Variants in BMPR1B observed in about 807,000 individuals in gnomAD.
BMPR1B encodes bone morphogenetic protein receptor type 1B.
Under a neutral mutation model 59.1 loss-of-function variants are expected in BMPR1B, and 12 were observed. The ratio of observed to expected loss-of-function variants is 0.20; its 90% CI spans 0.13 to 0.33. The LOEUF is 0.33. BMPR1B is among the 10% of genes least tolerant of loss of function. The pLI is 1.00. For missense variants in BMPR1B, 550 were observed against 610.9 expected, an observed-to-expected ratio of 0.90 and a Z score of 1.05; for synonymous variants, 237 against 207.3, an observed-to-expected ratio of 1.14 and a Z score of -1.23.
In BMPR1B at chr4:95,134,286, G is replaced by T. The variant is rs183091612; in HGVS notation, c.1076+2774G>T. On this transcript the variant is annotated intron_variant, in intron 10 of 12. Coordinates refer to ENST00000515059, the MANE Select transcript of BMPR1B (RefSeq NM_001203.3). ...CCAGTCTATCATCGATGTACATTTG[G>T]GTTGGTTCCCAGTCTTTGCTATTGT... Among the ~76,000 whole-genome samples, 392 of 152,216 alleles carry T rather than the reference G, an allele frequency of 2.6e-3. 1 individual carries two copies. Among genetic ancestry groups the T allele is most frequent in the African/African-American group, 8.8e-3 (366 of 41,528 alleles).
At chr4:94,985,509 CTGTGTGTGTGTGTGTGTGTGTGTGTGTG>C (rs60003954) in intron 2 of BMPR1B, among the ~76,000 whole-genome samples, 2 of 138,792 alleles carry the variant, frequency 1.4e-5, no homozygotes, top group Non-Finnish European at 1.6e-5. Flanking sequence ...AAAATAAGAG[CTGTGTGTGTGTGTGTGTGTGTGTGTGTG>C]TGTGTGTGTG....
At chr4:94,987,049 T>G (rs375109445) in intron 2 of BMPR1B, among the ~76,000 whole-genome samples, 1 of 1,492 alleles carries the variant, frequency 6.7e-4, no homozygotes, top group Admixed American at 0.016. Context: ...TCAAAAAAAA[T>G]ATATATATAT....
At chr4:94,787,263 A>G (rs1449528260) in intron 1 of BMPR1B, among the ~76,000 whole-genome samples, 1 of 152,144 alleles carries the variant, frequency 6.6e-6, no homozygotes. Context: ...CAGTATCACC[A>G]TGTGAATGTT....
chr4:94,812,358 A>C (rs916434790), intron 1 of BMPR1B, among the ~76,000 whole-genome samples: 8 of 152,248 alleles, frequency 5.3e-5, no homozygotes, highest in Non-Finnish European at 8.8e-5. Flanking sequence ...GGGTTAGAGT[A>C]TTCAAGACAA....
chr4:95,028,757 T>C (rs1386070743), intron 3 of BMPR1B, among the ~76,000 whole-genome samples: 1 of 152,124 alleles, frequency 6.6e-6, no homozygotes, highest in Admixed American at 6.6e-5. Flanking sequence ...TGTAAAAAGA[T>C]ACTAGAAATC....
At chr4:94,903,187 T>G (rs2149002753) in intron 2 of BMPR1B, among the ~76,000 whole-genome samples, 1 of 152,180 alleles carries the variant, frequency 6.6e-6, no homozygotes, top group South Asian at 2.1e-4. Flanking sequence ...CTTCTAGAAC[T>G]TAGGGCAAAG....
chr4:94,926,226 C>T (rs942268124), intron 2 of BMPR1B, among the ~76,000 whole-genome samples: 1 of 151,654 alleles, frequency 6.6e-6, no homozygotes, highest in Non-Finnish European at 1.5e-5. Context: ...AATAGGTATG[C>T]TCTTTCACTT....
At chr4:94,907,998 A>G (rs1410898084) in intron 2 of BMPR1B, among the ~76,000 whole-genome samples, 1 of 146,532 alleles carries the variant, frequency 6.8e-6, no homozygotes, top group African/African-American at 2.5e-5. Flanking sequence ...TGTAGTGTGC[A>G]ATGCTCTTAC....
intron 3 of BMPR1B, among the ~76,000 whole-genome samples, chr4:95,014,998 T>C (rs1723488449): frequency 6.6e-6 from 1 of 152,294 alleles, no homozygotes; most frequent in South Asian, 2.1e-4. Context: ...GTGTGGTCCA[T>C]GGACCCTTGG....
intron 2 of BMPR1B, among the ~76,000 whole-genome samples, chr4:94,972,539 T>C (rs1441124513): frequency 1.3e-5 from 2 of 152,178 alleles, no homozygotes; most frequent in Admixed American, 6.5e-5. Flanking sequence ...AATACTCTTA[T>C]GTTTTACCTT....
intron 2 of BMPR1B, among the ~76,000 whole-genome samples, chr4:94,921,110 C>T (rs370579900): frequency 1.3e-5 from 2 of 152,242 alleles, no homozygotes; most frequent in South Asian, 4.1e-4. Flanking sequence ...TACACCCTCA[C>T]TAGGCCTTGA....
chr4:94,760,961 T>C (rs1182721332), intron 1 of BMPR1B, among the ~76,000 whole-genome samples: 2 of 152,154 alleles, frequency 1.3e-5, no homozygotes, highest in African/African-American at 4.8e-5. Flanking sequence ...TCACACACAT[T>C]AATAATATTA....
intron 2 of BMPR1B, among the ~76,000 whole-genome samples, chr4:94,887,236 CA>C (rs35669478): frequency 0.57 from 81,470 of 141,726 alleles, 23,103 homozygotes; most frequent in South Asian, 0.69. Context: ...CCAGATTGAC[CA>C]AAAAAAAAAA....
intron 2 of BMPR1B, among the ~76,000 whole-genome samples, chr4:94,909,185 G>A (rs142603986): frequency 6.8e-4 from 103 of 152,054 alleles, no homozygotes; most frequent in African/African-American, 2.4e-3. Context: ...TTCTAATCCA[G>A]TATGACCTCA....
rs115411288 is a variant in BMPR1B, at chr4:94,964,709, A to G, written c.-112-31331A>G. Among the ~76,000 whole-genome samples the G allele has an allele frequency of 2.9e-3, 440 of 152,312 alleles. 3 individuals are homozygous for G. Among genetic ancestry groups the G allele is most frequent in the African/African-American group, 0.01 (416 of 41,578 alleles). On this transcript the variant is annotated intron_variant, in intron 2 of 12. Transcript: ENST00000515059. ...ATGGGAAACCACTGTTAGAATGGAA[A>G]TAACATTGGCTTTTACAACAGGTTA...
intron 3 of BMPR1B, among the ~76,000 whole-genome samples, chr4:95,090,779 T>C (rs1729921543): frequency 6.6e-6 from 1 of 152,104 alleles, no homozygotes; most frequent in Non-Finnish European, 1.5e-5. Context: ...AATAAATATT[T>C]CATTCTGTTT....
intron 1 of BMPR1B, among the ~76,000 whole-genome samples, chr4:94,770,415 T>A (rs1041432958): frequency 6.6e-6 from 1 of 152,058 alleles, no homozygotes; most frequent in Non-Finnish European, 1.5e-5. Context: ...AGGTGACTTC[T>A]AGCTCCTTTT....
chr4:95,153,509 C>T (rs1444662350), intron 12 of BMPR1B, among the ~76,000 whole-genome samples: 1 of 152,070 alleles, frequency 6.6e-6, no homozygotes, highest in Non-Finnish European at 1.5e-5. Flanking sequence ...CAAAGCACTG[C>T]AAAGGGGGGA....
intron 1 of BMPR1B, among the ~76,000 whole-genome samples, chr4:94,824,461 C>T (rs1724313733): frequency 6.6e-6 from 1 of 152,126 alleles, no homozygotes; most frequent in Non-Finnish European, 1.5e-5. Flanking sequence ...AAACTTGAAC[C>T]ACTTCATGGT....
Sources: allele counts gnomAD v4.1 joint callset (sites outside exome capture counted in the v4.1 genomes callset), GRCh38; gene constraint gnomAD v4.1.1; transcripts MANE v1.5; gene names NCBI Gene and HGNC (gene_info 2026-07-23, HGNC 2026-07-21).